PGAP6: variants seen among roughly 807,000 people sequenced by gnomAD.
The protein encoded by PGAP6 is post-GPI attachment to proteins factor 6.
PGAP6 carries 62 observed loss-of-function variants against 68.4 expected under a neutral mutation model. That is an observed-to-expected ratio of 0.91 (90% CI 0.74 to 1.12). The LOEUF is 1.12. Among genes scored for constraint, PGAP6 ranks in the 50% most tolerant of loss-of-function variants. The probability of loss-of-function intolerance (pLI) is 0.00; values close to 1 mark genes in which losing one functional copy is unlikely to be tolerated. For missense variants in PGAP6, 1,188 were observed against 1,068.5 expected (o/e 1.11, Z -1.56); for synonymous variants, 575 against 474.0 (o/e 1.21, Z -2.77).
chr16:375,144 A>C lies in PGAP6; in HGVS notation c.1428T>G (p.Pro476=). The C allele has an allele frequency of 6.2e-7, 1 of 1,613,318 alleles. No individual in the cohort carries two copies. The highest frequency in any genetic ancestry group is 8.5e-7 in the Non-Finnish European group (1 of 1,179,964). Residue 476 remains proline, a synonymous_variant, in exon 8 of 13, where the codon CCT becomes CCG. Transcript: ENST00000431232. ...NWYLSLQLMC[P]ENAEDCEQAV... is the part of the protein sequence containing the mutation. ...CTAGGTTTACTTACTCAGCATTCTC[A>C]GGGCACATGAGCTGCAGGGAGAGGT...
At position 371,864 on chromosome 16, in the gene PGAP6, G is replaced by C. The variant is rs1350118166; in HGVS notation, c.*123C>G. ...CTCTCCTCAGTAGGAGGAAGTAAGA[G>C]GGTATCTAGGCCAATTTATTCAGCT... On this transcript the variant is annotated 3_prime_UTR_variant, in exon 13 of 13. Coordinates refer to ENST00000431232, the MANE Select transcript of PGAP6 (RefSeq NM_021259.3). The C allele has an allele frequency of 9.2e-7, 1 of 1,083,370 alleles. No individual in the cohort carries two copies. The highest frequency in any genetic ancestry group is 2.4e-5 in the East Asian group (1 of 40,882). 67.1% of individuals were successfully genotyped at this position (1,083,370 alleles called of 1,614,324 possible). A position where few individuals can be genotyped will look rare whatever the true frequency, so the allele number is the denominator to read the frequency against.
chr16:377,805 C>A lies in PGAP6; in HGVS notation c.165G>T (p.Arg55Ser). 6.3e-7 allele frequency: 1 copy of A among 1,575,908 alleles called. No individual in the cohort carries two copies. The highest frequency in any genetic ancestry group is 2.3e-5 in the East Asian group (1 of 42,874). Residue 55 changes from arginine to serine, a missense_variant, in exon 2 of 13, where the codon AGG becomes AGT. Physicochemically the swap from Arg to Ser is moderately radical, Grantham distance 110 (BLOSUM62 -1). Coordinates refer to ENST00000431232, the MANE Select transcript of PGAP6 (RefSeq NM_021259.3). The stretch of plus-strand genomic sequence containing the variant: ...TGCCGTACCAGCTGTAGAAGGACAG[C>A]CTCTGCGGGGCCTGCGAGAAGTGCT... ...VSEHFSQAPQ[R>S]LSFYSWYGSA...
Position 377,124 on chromosome 16 carries a change from A to G in PGAP6, c.548T>C (p.Leu183Pro). 6.2e-7 allele frequency: 1 copy of G among 1,613,690 alleles called. No individual in the cohort carries two copies. ...PTCAYVFQPE[L>P]LVTRVVEISI... is the part of the protein sequence containing the mutation. ...AATCTCGACCACCCGCGTGACCAGC[A>G]GTTCAGGCTGGAAGACGTAGGCACA... Residue 183 changes from leucine to proline, a missense_variant, in exon 4 of 13, where the codon CTG becomes CCG. Coordinates refer to ENST00000431232, the MANE Select transcript of PGAP6 (RefSeq NM_021259.3).
In PGAP6 at chr16:374,215, G is replaced by A; in HGVS notation, c.1755+6C>T. On this transcript the variant is annotated splice_donor_region_variant and intron_variant, in intron 10 of 12. Coordinates refer to ENST00000431232, the MANE Select transcript of PGAP6 (RefSeq NM_021259.3). ...CCCCACATCCCTGCAGGAGGGGCCA[G>A]CCTACCGTGGAGAAGAACATGGTGT... 1.9e-6 allele frequency: 3 copies of A among 1,610,086 alleles called. No homozygotes were observed. The highest frequency in any genetic ancestry group is 1.7e-5 in the Admixed American group (1 of 59,916).
chr16:372,142 T>C lies in PGAP6; in HGVS notation c.2161A>G (p.Thr721Ala). 1 of 1,612,172 alleles carries C rather than the reference T, an allele frequency of 6.2e-7. No individual in the cohort carries two copies. The highest frequency in any genetic ancestry group is 8.5e-7 in the Non-Finnish European group (1 of 1,179,794). The change falls in exon 13 of 13, where the codon ACC becomes GCC. Residue 721 changes from threonine to alanine, a missense_variant. Thr to Ala is a moderately conservative substitution (Grantham distance 58). Coordinates refer to ENST00000431232, the MANE Select transcript of PGAP6 (RefSeq NM_021259.3). ...SMMTSDNYYYTHSIWHILLAG... is the reference protein window; with the variant it reads ...SMMTSDNYYYAHSIWHILLAG... ...AGCAGGATGTGCCAGATGCTGTGGGTGTAGTAGTAGTTGTCGCTAGTCATC... is the reference window on the plus strand; with the variant it reads ...AGCAGGATGTGCCAGATGCTGTGGGCGTAGTAGTAGTTGTCGCTAGTCATC...
rs777381280 is a variant in PGAP6 at position 374,343 on chromosome 16, T to C, written c.1633A>G (p.Arg545Gly). Residue 545 changes from arginine to glycine, a missense_variant, in exon 10 of 13, where the codon AGG (arginine) becomes GGG (glycine). Coordinates refer to ENST00000431232, the MANE Select transcript of PGAP6 (RefSeq NM_021259.3). ...NSTAQTVAQQ[R>G]AATLLLTLSN... Reference sequence around the variant, plus strand: ...AGCGTGAGCAGCAGTGTGGCCGCCCTCTGCTGGGCCACCGTCTGGGCTGTG... The same window carrying C: ...AGCGTGAGCAGCAGTGTGGCCGCCCCCTGCTGGGCCACCGTCTGGGCTGTG... The C allele has an allele frequency of 3.1e-6, 5 of 1,602,600 alleles. No homozygotes were observed. The South Asian group carries it at 5.5e-5, about 18-fold the overall frequency.
At chr16:380,720 C>T (rs1465655319) in intron 1 of PGAP6, among the ~76,000 whole-genome samples, 6 of 152,106 alleles carry the variant, frequency 3.9e-5, no homozygotes, top group Non-Finnish European at 2.9e-5. Context: ...TTCATCTCTA[C>T]CTGTGCCAAG....
In PGAP6 at chr16:374,169, G is replaced by A. The variant is rs1360399568; in HGVS notation, c.1756-18C>T. The A allele has an allele frequency of 2.5e-5, 40 of 1,610,466 alleles. No homozygotes were observed. The highest frequency in any genetic ancestry group is 3.1e-5 in the Non-Finnish European group (36 of 1,179,912). On this transcript the variant is annotated intron_variant, in intron 10 of 12. Transcript: ENST00000431232. Reference sequence around the variant, plus strand: ...TGGTAGAACTGTGGGGAGGCTCCATGAGCGCGGTCCTGCCCTCCCACCCCA... The same window carrying A: ...TGGTAGAACTGTGGGGAGGCTCCATAAGCGCGGTCCTGCCCTCCCACCCCA...
In PGAP6 at chr16:376,163, G is replaced by T. The variant is rs759769227; in HGVS notation, c.1197C>A (p.Ser399=). 3 of 1,607,382 alleles carry T rather than the reference G, an allele frequency of 1.9e-6. No homozygotes were observed. ...RLNTGMDSGG[S]LTISLRANKT... is the part of the protein sequence containing the mutation. ...TGTTGGCCCGCAGGGAGATGGTGAGGGAACCCCCGCTGTCCATGCCGGTGT... is the reference window on the plus strand; with the variant it reads ...TGTTGGCCCGCAGGGAGATGGTGAGTGAACCCCCGCTGTCCATGCCGGTGT... Residue 399 remains serine (S), a synonymous_variant, in exon 6 of 13, where the codon TCC becomes TCA. Transcript: ENST00000431232.
At chr16:376,012 G>A in intron 6 of PGAP6, 124 bp downstream of exon 6, 1 of 1,015,190 alleles carries the variant, frequency 9.9e-7, no homozygotes, top group East Asian at 2.6e-5. Flanking sequence ...CCCCTGTCTT[G>A]GCCCGTGCCT....
intron 10 of PGAP6, 24 bp downstream of exon 10, chr16:374,197 T>C (rs751890499): frequency 3.4e-5 from 54 of 1,610,314 alleles, no homozygotes; most frequent in Non-Finnish European, 4.2e-5. Context: ...CCACCCCACA[T>C]CCCTGCAGGA....
Position 375,362 on chromosome 16 carries a change from G to A in PGAP6, c.1298C>T (p.Ser433Leu), listed in dbSNP as rs780214811. 27 of 1,612,818 alleles carry A rather than the reference G, an allele frequency of 1.7e-5. No homozygotes were observed. The highest frequency in any genetic ancestry group is 3.3e-5 in the South Asian group (3 of 91,088). The change falls in exon 7 of 13, where the codon TCG becomes TTG. Residue 433 changes from serine (S) to leucine (L), a missense_variant. Ser to Leu is a moderately radical substitution (Grantham distance 145, BLOSUM62 -2). Coordinates refer to ENST00000431232, the MANE Select transcript of PGAP6 (RefSeq NM_021259.3). Reference protein sequence around the residue: ...AASPFLGFNTSLNCTTAFFQG... With the variant: ...AASPFLGFNTLLNCTTAFFQG... Reference sequence around the variant, plus strand: ...CATCATACCTGTGGTGCAGTTGAGCGAAGTATTGAAGCCAAGGAAGGGCGA... The same window carrying A: ...CATCATACCTGTGGTGCAGTTGAGCAAAGTATTGAAGCCAAGGAAGGGCGA...
At chr16:384,870 A>G (rs997066288), upstream of PGAP6, among the ~76,000 whole-genome samples, 3 of 147,838 alleles carry the variant, frequency 2.0e-5, no homozygotes, top group Non-Finnish European at 4.5e-5. Flanking sequence ...AAAAAAAAAA[A>G]GTAACGGAGA....
rs1323804154 is a variant in PGAP6, at chr16:373,995, G to A, written c.1902+10C>T. On this transcript the variant is annotated intron_variant, in intron 11 of 12. Transcript: ENST00000431232. ...CCCGGAGCCCACACCCCACGTCGAG[G>A]GCCACTCACGTATTTCAGGACTGTC... The A allele has an allele frequency of 5.0e-6, 8 of 1,600,730 alleles. No individual in the cohort carries two copies. In the South Asian group the frequency reaches 8.8e-5, roughly 18 times the overall value.
chr16:378,266 C>A (rs567028057), intron 1 of PGAP6, among the ~76,000 whole-genome samples: 2 of 141,692 alleles, frequency 1.4e-5, no homozygotes, highest in African/African-American at 2.8e-5. Flanking sequence ...ACCCGCACTG[C>A]CATCCCCACC....
chr16:377,606 C>A (rs912869237), intron 2 of PGAP6, 21 bp from the exon 3 acceptor site: 1 of 1,568,208 alleles, frequency 6.4e-7, no homozygotes, highest in Non-Finnish European at 8.6e-7. Context: ...GAGAGCAGCA[C>A]CGGGTTCAGG....
chr16:376,951 T>TCC, intron 4 of PGAP6, 86 bp downstream of exon 4: 1 of 1,575,508 alleles, frequency 6.3e-7, no homozygotes, highest in South Asian at 1.1e-5. Flanking sequence ...ACCCCAGGAC[T>TCC]CAGGGCCAGG....
intron 1 of PGAP6, 125 bp from the exon 2 acceptor site, chr16:377,973 C>T: frequency 2.5e-6 from 2 of 793,252 alleles, no homozygotes; most frequent in Admixed American, 2.9e-5. Context: ...TCTTGGCACA[C>T]CAACTCTGAC....
At chr16:380,272 G>C (rs1472315407) in intron 1 of PGAP6, among the ~76,000 whole-genome samples, 1 of 152,160 alleles carries the variant, frequency 6.6e-6, no homozygotes, top group Non-Finnish European at 1.5e-5. Context: ...CTAGAGTGCA[G>C]TGCCATGAAC....
Sources: gnomAD v4.1 joint callset for allele counts (sites outside exome capture counted in the v4.1 genomes callset) on GRCh38, gnomAD v4.1.1 for gene constraint, MANE v1.5 for transcripts, NCBI Gene and HGNC (gene_info 2026-07-23, HGNC 2026-07-21) for gene names.